Variants in HECA observed in about 807,000 individuals in gnomAD.
The protein encoded by HECA is headcase protein homolog.
A neutral mutation model predicts 37.6 loss-of-function variants in HECA; 13 were observed. The ratio of observed to expected loss-of-function variants is 0.35; its 90% CI spans 0.23 to 0.55. The LOEUF (loss-of-function observed/expected upper bound fraction) is 0.55, where lower values mean the gene tolerates loss of function less well. HECA is among the 20% of genes least tolerant of loss of function. The pLI, the probability that HECA is intolerant of heterozygous loss-of-function variation, is 0.90. For synonymous variants in HECA, 307 were observed against 291.5 expected (o/e 1.05, Z -0.54); for missense variants, 527 against 701.9 (o/e 0.75, Z 2.82).
At chr6:139,143,321 C>G (rs1362765596) in intron 1 of HECA, among the ~76,000 whole-genome samples, 1 of 152,124 alleles carries the variant, frequency 6.6e-6, no homozygotes, top group Non-Finnish European at 1.5e-5. Flanking sequence ...GTTTGTTCAA[C>G]CTTATCCAAC....
At chr6:139,160,331 C>T (rs1352405623) in intron 1 of HECA, among the ~76,000 whole-genome samples, 1 of 152,152 alleles carries the variant, frequency 6.6e-6, no homozygotes, top group Non-Finnish European at 1.5e-5. Context: ...ATTAATGCGC[C>T]AAGGGAAGTT....
At chr6:139,144,763 C>T (rs3822903) in intron 1 of HECA, 101,890 of 152,200 alleles carry the variant, frequency 0.67, 35,108 homozygotes, top group African/African-American at 0.79. Flanking sequence ...TGCCATGGAC[C>T]CTCAATTGTG....
intron 1 of HECA, among the ~76,000 whole-genome samples, chr6:139,136,992 A>C (rs953065042): frequency 1.3e-5 from 2 of 152,346 alleles, no homozygotes; most frequent in East Asian, 3.9e-4. Context: ...AGTGCTCTGA[A>C]CATAGGCGGC....
chr6:139,148,166 G>A (rs920871365), intron 1 of HECA, among the ~76,000 whole-genome samples: 3 of 152,048 alleles, frequency 2.0e-5, no homozygotes, highest in African/African-American at 4.8e-5. Flanking sequence ...AAGTGTTTGC[G>A]TATTCAGGGT....
At chr6:139,156,923 C>G (rs770949042) in intron 1 of HECA, among the ~76,000 whole-genome samples, 2 of 152,180 alleles carry the variant, frequency 1.3e-5, no homozygotes, top group African/African-American at 2.4e-5. Flanking sequence ...GATCCAGACT[C>G]CAAGAGAGGG....
At chr6:139,151,916 AT>A (rs979451984) in intron 1 of HECA, among the ~76,000 whole-genome samples, 6 of 152,196 alleles carry the variant, frequency 3.9e-5, no homozygotes, top group African/African-American at 1.4e-4. Context: ...ATGGGTGGAA[AT>A]ACAAGAGAGA....
rs1226999039 is a variant in HECA at position 139,135,355 on chromosome 6, CT to C, written c.-40del. The C allele has an allele frequency of 1.5e-6, 2 of 1,294,366 alleles. No individual in the cohort carries two copies. The highest frequency in any genetic ancestry group is 2.0e-6 in the Non-Finnish European group (2 of 993,872). The allele number at this position is 1,294,366 out of a possible 1,614,324, so 80.2% of individuals were successfully genotyped here. A position where few individuals can be genotyped will look rare whatever the true frequency, so the allele number is the denominator to read the frequency against. Reference sequence around the variant, plus strand: ...GAACGGCCGTGCCTCTGGGATCCGCCTTCGCTGACGCCGGGCACCTACCTGG... The same window carrying C: ...GAACGGCCGTGCCTCTGGGATCCGCCTCGCTGACGCCGGGCACCTACCTGG... On this transcript the variant is annotated 5_prime_UTR_variant, in exon 1 of 4. Coordinates refer to ENST00000367658, the MANE Select transcript of HECA (RefSeq NM_016217.3).
chr6:139,140,509 G>A (rs561530388), intron 1 of HECA, among the ~76,000 whole-genome samples: 1 of 152,360 alleles, frequency 6.6e-6, no homozygotes, highest in East Asian at 1.9e-4. Context: ...TCTATGCGCA[G>A]TCTCGTCTTT....
chr6:139,174,347 A>G (rs989701101), intron 2 of HECA, 38 bp from the exon 3 acceptor site: 4 of 1,571,338 alleles, frequency 2.5e-6, no homozygotes, highest in Non-Finnish European at 3.5e-6. Flanking sequence ...TGTGATTTCC[A>G]TGATGGCCAC....
At chr6:139,160,720 AC>A (rs1164848776) in intron 1 of HECA, among the ~76,000 whole-genome samples, 2 of 152,198 alleles carry the variant, frequency 1.3e-5, no homozygotes, top group African/African-American at 4.8e-5. Flanking sequence ...GGCCATACTT[AC>A]TTATTTTCTA....
Position 139,168,761 on chromosome 6 carries a change from A to C in HECA, c.1312+1437A>C, listed in dbSNP as rs1770897655. On this transcript the variant is annotated intron_variant, in intron 2 of 3. Transcript: ENST00000367658. ...CCAGGAGCTTTTTGAGAAAGGGAGCATGGGAATAGATGATTTGAGACTTTC... is the reference window on the plus strand; with the variant it reads ...CCAGGAGCTTTTTGAGAAAGGGAGCCTGGGAATAGATGATTTGAGACTTTC... 2.0e-5 allele frequency among the ~76,000 whole-genome samples: 3 copies of C among 152,206 alleles called. No individual in the cohort carries two copies. The South Asian group carries it at 6.2e-4, about 31-fold the overall frequency.
In HECA at chr6:139,167,217, A is replaced by G. The variant is rs749178753; in HGVS notation, c.1205A>G (p.His402Arg). ...HRNVVNCALCHRALPVFEQFP... is the reference protein window; with the variant it reads ...HRNVVNCALCRRALPVFEQFP... ...AACGTGGTAAACTGTGCCCTGTGCC[A>G]CCGGGCGCTCCCGGTGTTCGAACAG... The change falls in exon 2 of 4, where the codon CAC becomes CGC. Residue 402 changes from histidine to arginine, a missense_variant. Around this residue, in one of 4 missense-constraint regions of HECA, gnomAD observed 106 missense variants for 193.4 expected, o/e 0.55. Transcript: ENST00000367658. The G allele has an allele frequency of 1.9e-6, 3 of 1,614,024 alleles. No homozygotes were observed. In the African/African-American group the frequency reaches 4.0e-5, roughly 22 times the overall value.
At chr6:139,171,326 G>C (rs918220861) in intron 2 of HECA, among the ~76,000 whole-genome samples, 1 of 152,190 alleles carries the variant, frequency 6.6e-6, no homozygotes, top group Non-Finnish European at 1.5e-5. Context: ...TTAGGCCTGA[G>C]TACTTGTGTG....
chr6:139,143,774 T>C (rs1280078881), intron 1 of HECA, among the ~76,000 whole-genome samples: 13 of 150,638 alleles, frequency 8.6e-5, no homozygotes, highest in African/African-American at 3.2e-4. Context: ...GGCAGGAGAA[T>C]CGCTTGAACC....
intron 2 of HECA, among the ~76,000 whole-genome samples, chr6:139,173,291 T>A (rs1775002549): frequency 6.6e-6 from 1 of 152,210 alleles, no homozygotes; most frequent in East Asian, 1.9e-4. Context: ...CATACACTTA[T>A]AAAGTGCTTT....
Position 139,174,458 on chromosome 6 carries a change from T to A in HECA, c.1386T>A (p.Cys462Ter). ...EGVHKIICIKCKSRWDGSWHQ... is the reference protein window; with the variant it reads ...EGVHKIICIK The stretch of plus-strand genomic sequence containing the variant: ...TTCACAAGATCATCTGCATCAAGTG[T>A]AAGTCACGGTGGGATGGCAGCTGGC... Residue 462 changes from cysteine (C) to a stop codon, truncating the protein, a stop_gained, in exon 3 of 4, where the codon TGT becomes TGA. Coordinates refer to ENST00000367658, the MANE Select transcript of HECA (RefSeq NM_016217.3). LOFTEE classifies it high-confidence loss of function. 1 of 1,614,024 alleles carries A rather than the reference T, an allele frequency of 6.2e-7. No homozygotes were observed. Among genetic ancestry groups the A allele is most frequent in the Non-Finnish European group, 8.5e-7 (1 of 1,179,986 alleles).
At chr6:139,164,969 T>C (rs922607448) in intron 1 of HECA, among the ~76,000 whole-genome samples, 1 of 152,188 alleles carries the variant, frequency 6.6e-6, no homozygotes, top group Non-Finnish European at 1.5e-5. Context: ...ACACAGCTTC[T>C]TTTGTAAATA....
At chr6:139,154,462 A>G (rs1056653555) in intron 1 of HECA, among the ~76,000 whole-genome samples, 5 of 152,266 alleles carry the variant, frequency 3.3e-5, no homozygotes, top group African/African-American at 1.2e-4. Flanking sequence ...TAGGGGATAT[A>G]TAGACATCAT....
chr6:139,166,581 A>G lies in HECA; in HGVS notation c.569A>G (p.Asp190Gly). 1 of 1,614,222 alleles carries G rather than the reference A, an allele frequency of 6.2e-7. No homozygotes were observed. The highest frequency in any genetic ancestry group is 8.5e-7 in the Non-Finnish European group (1 of 1,180,044). The change falls in exon 2 of 4, where the codon GAC (aspartate) becomes GGC (glycine). Residue 190 changes from aspartate (D) to glycine (G), a missense_variant. By Grantham distance (94) the Asp-to-Gly change is moderately conservative. Coordinates refer to ENST00000367658, the MANE Select transcript of HECA (RefSeq NM_016217.3). Reference protein sequence around the residue: ...CGQGHLKKDTDWYQVKRMQDE... With the variant: ...CGQGHLKKDTGWYQVKRMQDE... ...CAGGGCCACTTGAAGAAGGACACAG[A>G]CTGGTATCAGGTGAAGCGGATGCAG...
Sources: allele counts gnomAD v4.1 joint callset (sites outside exome capture counted in the v4.1 genomes callset), GRCh38; gene constraint gnomAD v4.1.1; regional missense constraint gnomAD v4.1.1; transcripts MANE v1.5; gene names NCBI Gene and HGNC (gene_info 2026-07-23, HGNC 2026-07-21).